IQCE: variants seen among roughly 807,000 people sequenced by gnomAD.
IQCE encodes the protein IQ motif containing E.
In IQCE, 115 loss-of-function variants were observed where a neutral mutation model predicts 96.0. The ratio of observed to expected loss-of-function variants is 1.20; its 90% CI spans 1.03 to 1.40. IQCE has a LOEUF of 1.40. Ranked by LOEUF, IQCE falls within the 40% of genes most tolerant of loss-of-function variation. IQCE has a pLI of 0.00. For synonymous variants in IQCE, 412 were observed against 371.2 expected (o/e 1.11, Z -1.26); for missense variants, 1,041 against 909.1 (o/e 1.15, Z -1.87).
In IQCE at chr7:2,593,122, T is replaced by TC. The variant is rs2128461321; in HGVS notation, c.1345_1346insC (p.Leu449SerfsTer32). 6.2e-7 allele frequency: 1 copy of TC among 1,609,688 alleles called. No individual in the cohort carries two copies. On this transcript the variant is annotated frameshift_variant, in exon 15 of 22. Transcript: ENST00000402050. LOFTEE classifies it high-confidence loss of function. ...GGAGAGGAGAGAGCGAGAGGAGGTT[T>TC]TGAGGTATGTGACCCGGGTCAGGGC...
At position 2,601,477 on chromosome 7, in the gene IQCE, T is replaced by C; in HGVS notation, c.1632+13T>C. On this transcript the variant is annotated intron_variant, in intron 18 of 21. Coordinates refer to ENST00000402050, the MANE Select transcript of IQCE (RefSeq NM_152558.5). Reference sequence around the variant, plus strand: ...TGTTCTGGATGAGGTAAGCGAGGTTTATTTCTTGTTTCAAAATTCGGATTT... The same window carrying C: ...TGTTCTGGATGAGGTAAGCGAGGTTCATTTCTTGTTTCAAAATTCGGATTT... 6.3e-7 allele frequency: 1 copy of C among 1,578,938 alleles called. No homozygotes were observed.
In IQCE at chr7:2,581,096, G is replaced by A. The variant is rs1269891401; in HGVS notation, c.631-1484G>A. Among the ~76,000 whole-genome samples, 6 of 152,126 alleles carry A rather than the reference G, an allele frequency of 3.9e-5. No homozygotes were observed. The East Asian group carries it at 9.7e-4, about 24-fold the overall frequency. On this transcript the variant is annotated intron_variant, in intron 8 of 21. Transcript: ENST00000402050. ...CTGACCTTGTGATCTGCCCACCTTGGCCTGCCAAAGTGCTGGGATTACAGG... is the reference window on the plus strand; with the variant it reads ...CTGACCTTGTGATCTGCCCACCTTGACCTGCCAAAGTGCTGGGATTACAGG...
Position 2,613,938 on chromosome 7 carries a change from G to C in IQCE, c.*3776G>C, listed in dbSNP as rs1246563331. 1.3e-5 allele frequency: 2 copies of C among 152,116 alleles called. No individual in the cohort carries two copies. Among genetic ancestry groups the C allele is most frequent in the East Asian group, 3.9e-4 (2 of 5,180 alleles). 9.4% of individuals were successfully genotyped at this position (152,116 alleles called of 1,614,324 possible). On this transcript the variant is annotated 3_prime_UTR_variant, in exon 22 of 22. Coordinates refer to ENST00000402050, the MANE Select transcript of IQCE (RefSeq NM_152558.5). ...AGGGCTAAACTCCAACCCAGGGCCC[G>C]GTGTTGGACAAAGTAGCTTTTTCTT...
intron 1 of IQCE, chr7:2,559,607 C>T (rs895512284): frequency 6.3e-6 from 1 of 158,580 alleles, no homozygotes; most frequent in African/African-American, 2.4e-5. Flanking sequence ...GGAGGCAGCC[C>T]CAGGGTCTGG....
intron 21 of IQCE, among the ~76,000 whole-genome samples, chr7:2,607,865 C>T (rs550448193): frequency 3.9e-5 from 6 of 152,320 alleles, no homozygotes; most frequent in East Asian, 1.9e-4. Flanking sequence ...TGCGGAGGCA[C>T]GCTGTTGAGA....
intron 19 of IQCE, 147 bp downstream of exon 19, chr7:2,605,138 C>G: frequency 1.6e-6 from 1 of 620,776 alleles, no homozygotes; most frequent in South Asian, 1.8e-5. Flanking sequence ...CCTGGCCACG[C>G]AGGCCATGCA....
chr7:2,586,469 G>A (rs1783124219), intron 12 of IQCE, 98 bp downstream of exon 12: 10 of 1,324,542 alleles, frequency 7.5e-6, no homozygotes, highest in Non-Finnish European at 8.3e-6. Context: ...CAGGCACCAC[G>A]AGGGCAGATG....
chr7:2,582,836 C>T (rs748544159), intron 9 of IQCE, among the ~76,000 whole-genome samples, 186 bp downstream of exon 9: 1 of 152,102 alleles, frequency 6.6e-6, no homozygotes, highest in Non-Finnish European at 1.5e-5. Flanking sequence ...TTCCCTTTAA[C>T]TTCTTCCTGT....
intron 14 of IQCE, among the ~76,000 whole-genome samples, chr7:2,592,203 C>G (rs908886439): frequency 1.2e-4 from 19 of 152,210 alleles, no homozygotes; most frequent in African/African-American, 2.4e-5. Context: ...TCACCACTGT[C>G]CTTACCCCTC....
chr7:2,574,330 G>A lies in IQCE; in HGVS notation c.465+842G>A, dbSNP rs186799849. 4.8e-3 allele frequency among the ~76,000 whole-genome samples: 724 copies of A among 152,356 alleles called. 12 individuals are homozygous for A. The highest frequency in any genetic ancestry group is 0.027 in the Middle Eastern group (8 of 294). ...GAGCACGGAAGAGGATCTGGAAGCC[G>A]TTTCCATTGGGGAGCTGGGAAGAAA... On this transcript the variant is annotated intron_variant, in intron 6 of 21. Coordinates refer to ENST00000402050, the MANE Select transcript of IQCE (RefSeq NM_152558.5).
At chr7:2,574,337 T>C (rs1215775459) in intron 6 of IQCE, among the ~76,000 whole-genome samples, 13 of 152,170 alleles carry the variant, frequency 8.5e-5, no homozygotes, top group East Asian at 1.9e-4. Flanking sequence ...GCCGTTTCCA[T>C]TGGGGAGCTG....
chr7:2,582,733 C>T, intron 9 of IQCE, 83 bp downstream of exon 9: 1 of 1,247,860 alleles, frequency 8.0e-7, no homozygotes, highest in South Asian at 1.3e-5. Context: ...CCTCCCCCAC[C>T]CCGTCCTGTG....
Position 2,572,174 on chromosome 7 carries a change from C to T in IQCE, c.260-18C>T, listed in dbSNP as rs1452282147. ...GTGCTTGTATCTGTCATATTAAACC[C>T]ATGCACATTCAAACCAGGAAGTCTG... On this transcript the variant is annotated intron_variant, in intron 4 of 21. Coordinates refer to ENST00000402050, the MANE Select transcript of IQCE (RefSeq NM_152558.5). The T allele has an allele frequency of 6.2e-7, 1 of 1,608,684 alleles. No individual in the cohort carries two copies. The highest frequency in any genetic ancestry group is 8.5e-7 in the Non-Finnish European group (1 of 1,177,534).
chr7:2,588,902 G>A (rs1038898164), intron 13 of IQCE, among the ~76,000 whole-genome samples: 21 of 151,700 alleles, frequency 1.4e-4, no homozygotes, highest in African/African-American at 4.4e-4. Context: ...CTGACTTCAA[G>A]TGATCTGCCT....
rs774694298 is a variant in IQCE, at chr7:2,605,900, A to C, written c.1768A>C (p.Ser590Arg). Residue 590 changes from serine (S) to arginine (R), a missense_variant, in exon 20 of 22, where the codon AGC becomes CGC. Coordinates refer to ENST00000402050, the MANE Select transcript of IQCE (RefSeq NM_152558.5). Reference protein sequence around the residue: ...DQSSPVPRVPSPIAQATGSPV... With the variant: ...DQSSPVPRVPRPIAQATGSPV... ...GAGCTCTCCTGTGCCCCGCGTTCCG[A>C]GCCCCATCGCCCAGGCCACGGGCAG... 6.2e-7 allele frequency: 1 copy of C among 1,606,782 alleles called. No homozygotes were observed. Among genetic ancestry groups the C allele is most frequent in the Admixed American group, 1.7e-5 (1 of 58,966 alleles).
chr7:2,606,449 G>C (rs1784832408), intron 20 of IQCE, among the ~76,000 whole-genome samples: 1 of 152,148 alleles, frequency 6.6e-6, no homozygotes, highest in Non-Finnish European at 1.5e-5. Flanking sequence ...TGGTGGGTTT[G>C]CTAGGACTCT....
At chr7:2,566,187 C>G (rs536854097) in intron 1 of IQCE, among the ~76,000 whole-genome samples, 1 of 152,190 alleles carries the variant, frequency 6.6e-6, no homozygotes, top group South Asian at 2.1e-4. Flanking sequence ...TGGAAAGCAC[C>G]AATATGATCT....
intron 18 of IQCE, among the ~76,000 whole-genome samples, chr7:2,603,949 C>A: frequency 6.6e-6 from 1 of 151,372 alleles, no homozygotes. Context: ...TAAGTGCTTC[C>A]CCGAAAATGG....
chr7:2,602,208 G>A (rs1403315116), intron 18 of IQCE, among the ~76,000 whole-genome samples: 1 of 152,212 alleles, frequency 6.6e-6, no homozygotes, highest in Non-Finnish European at 1.5e-5. Context: ...GGAAGTGAGG[G>A]GAGGGCATCC....
Sources: allele counts gnomAD v4.1 joint callset (sites outside exome capture counted in the v4.1 genomes callset), GRCh38; gene constraint gnomAD v4.1.1; transcripts MANE v1.5; gene names NCBI Gene and HGNC (gene_info 2026-07-23, HGNC 2026-07-21).